The following MCC variants were observed in gnomAD, a reference collection of about 807,000 sequenced individuals.
MCC encodes colorectal mutant cancer protein.
In MCC, 90 loss-of-function variants were observed where a neutral mutation model predicts 116.2. That is an observed-to-expected ratio of 0.77 (90% CI 0.65 to 0.92). MCC has a LOEUF of 0.92. Ranked by LOEUF, MCC falls within the 40% of genes least tolerant of loss-of-function variation. The probability of loss-of-function intolerance (pLI) is 0.00; values close to 1 mark genes in which losing one functional copy is unlikely to be tolerated. For synonymous variants in MCC, 578 were observed against 510.5 expected, an observed-to-expected ratio of 1.13 and a Z score of -1.78; for missense variants, 1,516 against 1,312.2, an observed-to-expected ratio of 1.16 and a Z score of -2.40.
At chr5:113,056,376 C>T (rs1219834357) in intron 14 of MCC, among the ~76,000 whole-genome samples, 5 of 152,066 alleles carry the variant, frequency 3.3e-5, no homozygotes, top group African/African-American at 4.8e-5. Context: ...ATATATACCA[C>T]GAATACTATG....
intron 3 of MCC, among the ~76,000 whole-genome samples, chr5:113,240,505 G>T (rs2150338809): frequency 6.6e-6 from 1 of 152,288 alleles, no homozygotes; most frequent in Admixed American, 6.5e-5. Flanking sequence ...TCGATGGCAT[G>T]ATTCATGATA....
Position 113,454,178 on chromosome 5 carries a change from C to T in MCC, c.170+34067G>A, listed in dbSNP as rs183197053. ...TTGAAAAAATCCTAAGATCATAGCT[C>T]GATGCAGCCTTGATCTCCTGGGCTT... On this transcript the variant is annotated intron_variant, in intron 1 of 18. Coordinates refer to ENST00000408903, the MANE Select transcript of MCC (RefSeq NM_001085377.2). Among the ~76,000 whole-genome samples, 5 of 152,260 alleles carry T rather than the reference C, an allele frequency of 3.3e-5. No homozygotes were observed. The East Asian group carries it at 7.7e-4, about 24-fold the overall frequency.
chr5:113,033,175 T>C (rs1751077043), intron 17 of MCC, among the ~76,000 whole-genome samples: 3 of 152,154 alleles, frequency 2.0e-5, no homozygotes, highest in South Asian at 2.1e-4. Flanking sequence ...TTACCAGATA[T>C]TTTCCCTGGC....
At chr5:113,415,561 G>C (rs1770121047) in intron 1 of MCC, among the ~76,000 whole-genome samples, 1 of 152,040 alleles carries the variant, frequency 6.6e-6, no homozygotes, top group African/African-American at 2.4e-5. Context: ...GATCGAATTG[G>C]CTATTAAATC....
At chr5:113,152,344 C>G (rs1351702218) in intron 3 of MCC, among the ~76,000 whole-genome samples, 1 of 152,188 alleles carries the variant, frequency 6.6e-6, no homozygotes, top group African/African-American at 2.4e-5. Context: ...ACACACTGGT[C>G]CCAAAGCAAC....
At chr5:113,312,645 A>G (rs528504147) in intron 3 of MCC, among the ~76,000 whole-genome samples, 116 of 152,204 alleles carry the variant, frequency 7.6e-4, no homozygotes, top group Non-Finnish European at 1.2e-3. Flanking sequence ...GATGATGTGA[A>G]GGGTTTAAGA....
At chr5:113,043,154 T>C (rs991532331) in intron 17 of MCC, among the ~76,000 whole-genome samples, 3 of 152,194 alleles carry the variant, frequency 2.0e-5, no homozygotes, top group Non-Finnish European at 2.9e-5. Flanking sequence ...CAAAGCTTTT[T>C]CACACTACCA....
chr5:113,267,029 T>C (rs1485646406), intron 3 of MCC, among the ~76,000 whole-genome samples: 1 of 152,144 alleles, frequency 6.6e-6, no homozygotes, highest in African/African-American at 2.4e-5. Context: ...TGCACAGACA[T>C]GACTTGGCCA....
intron 3 of MCC, among the ~76,000 whole-genome samples, chr5:113,266,372 G>A (rs80242654): frequency 0.016 from 2,415 of 152,236 alleles, 70 homozygotes; most frequent in African/African-American, 0.056. Context: ...GATCAATGAT[G>A]CCACTTACAA....
At chr5:113,297,357 G>C (rs1031380858) in intron 3 of MCC, among the ~76,000 whole-genome samples, 2 of 152,208 alleles carry the variant, frequency 1.3e-5, no homozygotes, top group Admixed American at 1.3e-4. Context: ...ATGAGGTCAA[G>C]AGTTTGAGAC....
chr5:113,090,951 C>T (rs903987775), intron 8 of MCC, among the ~76,000 whole-genome samples: 1 of 152,166 alleles, frequency 6.6e-6, no homozygotes, highest in Non-Finnish European at 1.5e-5. Context: ...GAGGTGGTGC[C>T]ACCGCAAGCC....
chr5:113,417,097 G>C (rs1770172833), intron 1 of MCC, among the ~76,000 whole-genome samples: 1 of 150,780 alleles, frequency 6.6e-6, no homozygotes, highest in South Asian at 2.1e-4. Flanking sequence ...AGCCTCCCAA[G>C]TAGCTGGGAC....
chr5:113,187,022 A>T (rs750269543), intron 3 of MCC, among the ~76,000 whole-genome samples: 1 of 152,180 alleles, frequency 6.6e-6, no homozygotes, highest in Non-Finnish European at 1.5e-5. Flanking sequence ...CTACTTTAGG[A>T]AAGTTTTCAG....
At chr5:113,458,725 C>A (rs975634021) in intron 1 of MCC, among the ~76,000 whole-genome samples, 1 of 152,114 alleles carries the variant, frequency 6.6e-6, no homozygotes, top group Non-Finnish European at 1.5e-5. Context: ...GCTGCTGAGA[C>A]AATTAGGAGT....
intron 2 of MCC, 32 bp downstream of exon 2, chr5:113,384,936 G>T (rs1361522221): frequency 6.2e-7 from 1 of 1,611,980 alleles, no homozygotes; most frequent in Non-Finnish European, 8.5e-7. Context: ...GGCCAGTGGA[G>T]TGCCATAAAA....
intron 5 of MCC, among the ~76,000 whole-genome samples, chr5:113,129,512 G>T (rs1432757565): frequency 1.3e-5 from 2 of 152,172 alleles, no homozygotes; most frequent in South Asian, 2.1e-4. Flanking sequence ...TCAAGGTCCA[G>T]CATGGCTGCT....
rs75784176 is a variant in MCC at position 113,477,442 on chromosome 5, T to A, written c.170+10803A>T. On this transcript the variant is annotated intron_variant, in intron 1 of 18. Transcript: ENST00000408903. ...TAAAACAGCTAGAAATCCAAATACA[T>A]GAAATAATGATTTTCAGACATCATA... 5.6e-3 allele frequency among the ~76,000 whole-genome samples: 856 copies of A among 152,170 alleles called. 9 individuals carry two copies. The highest frequency in any genetic ancestry group is 0.02 in the African/African-American group (832 of 41,514).
At chr5:113,047,968 T>C (rs1405538216) in intron 16 of MCC, among the ~76,000 whole-genome samples, 1 of 152,204 alleles carries the variant, frequency 6.6e-6, no homozygotes, top group Non-Finnish European at 1.5e-5. Context: ...GCAGGCTGAT[T>C]CCTGCTTACC....
chr5:113,335,316 G>C (rs1484759570), intron 3 of MCC, among the ~76,000 whole-genome samples: 1 of 151,644 alleles, frequency 6.6e-6, no homozygotes, highest in Non-Finnish European at 1.5e-5. Flanking sequence ...ACTTTCTGTT[G>C]TCCACATGGC....
Sources: allele counts gnomAD v4.1 joint callset (sites outside exome capture counted in the v4.1 genomes callset), GRCh38; gene constraint gnomAD v4.1.1; transcripts MANE v1.5; gene names NCBI Gene and HGNC (gene_info 2026-07-23, HGNC 2026-07-21).